Variants in RBM20 observed in about 807,000 individuals in gnomAD.
RBM20 encodes RNA-binding protein 20.
In RBM20, 51 loss-of-function variants were observed where a neutral mutation model predicts 110.1. The observed-to-expected ratio is 0.46, with a 90% confidence interval of 0.37 to 0.59. The LOEUF (loss-of-function observed/expected upper bound fraction) is 0.59. Among genes scored for constraint, RBM20 ranks in the 20% least tolerant of loss-of-function variants. The probability of loss-of-function intolerance (pLI) is 0.00; values close to 1 mark genes in which losing one functional copy is unlikely to be tolerated. For synonymous variants in RBM20, 589 were observed against 618.2 expected (o/e 0.95, Z 0.70); for missense variants, 1,512 against 1,574.9 (o/e 0.96, Z 0.68).
Position 110,726,880 on chromosome 10 carries a change from C to T in RBM20, c.192-53921C>T, listed in dbSNP as rs143491054. Among the ~76,000 whole-genome samples the T allele has an allele frequency of 5.8e-3, 888 of 152,294 alleles. 10 individuals are homozygous for T. The highest frequency in any genetic ancestry group is 0.02 in the African/African-American group (845 of 41,558). On this transcript the variant is annotated intron_variant, in intron 1 of 13. Transcript: ENST00000369519. ...TTTATTTTTGAGATGGAGTTTTGCT[C>T]TTATCGCCCAGGCTGGAGTGCAATG...
intron 11 of RBM20, 49 bp from the exon 12 acceptor site, chr10:110,823,431 C>CTTTTTTTTTTTTTT (rs201149204): frequency 2.7e-6 from 3 of 1,110,668 alleles, no homozygotes; most frequent in Admixed American, 3.7e-5. Context: ...TGTTGTATTT[C>CTTTTTTTTTTTTTT]TTTTTTTTTT....
At chr10:110,689,734 G>A (rs941453314) in intron 1 of RBM20, among the ~76,000 whole-genome samples, 11 of 152,136 alleles carry the variant, frequency 7.2e-5, no homozygotes, top group Admixed American at 7.2e-4. Context: ...ATGGCATTTT[G>A]TACATTTAGT....
chr10:110,814,369 A>G (rs965965983), intron 9 of RBM20, among the ~76,000 whole-genome samples: 4 of 144,432 alleles, frequency 2.8e-5, no homozygotes, highest in Non-Finnish European at 6.1e-5. Flanking sequence ...TCATGCCAGC[A>G]TTTACAGCGG....
chr10:110,764,938 C>A (rs887602953), intron 1 of RBM20, among the ~76,000 whole-genome samples: 1 of 152,082 alleles, frequency 6.6e-6, no homozygotes, highest in Non-Finnish European at 1.5e-5. Flanking sequence ...ATGTTCTCGG[C>A]GCTGAGCATT....
At chr10:110,715,221 C>T (rs533221133) in intron 1 of RBM20, among the ~76,000 whole-genome samples, 1 of 152,288 alleles carries the variant, frequency 6.6e-6, no homozygotes, top group East Asian at 1.9e-4. Context: ...GCACTCCAGC[C>T]TGTGCGACAC....
At chr10:110,747,225 C>T (rs1311605087) in intron 1 of RBM20, among the ~76,000 whole-genome samples, 1 of 150,478 alleles carries the variant, frequency 6.6e-6, no homozygotes, top group Non-Finnish European at 1.5e-5. Context: ...CCTCCACCTG[C>T]TTGTGTATTA....
intron 7 of RBM20, among the ~76,000 whole-genome samples, chr10:110,810,012 G>A (rs1003760672): frequency 6.6e-6 from 1 of 152,180 alleles, no homozygotes; most frequent in Non-Finnish European, 1.5e-5. Flanking sequence ...AGTTTACAAT[G>A]CATGCCTGCC....
intron 1 of RBM20, among the ~76,000 whole-genome samples, chr10:110,683,352 T>C (rs1862450136): frequency 6.6e-6 from 1 of 152,238 alleles, no homozygotes; most frequent in South Asian, 2.1e-4. Context: ...CTGGTGCTGG[T>C]TGAGTTGCAG....
intron 1 of RBM20, among the ~76,000 whole-genome samples, chr10:110,708,887 G>A (rs73355091): frequency 0.17 from 25,157 of 152,150 alleles, 2,286 homozygotes; most frequent in East Asian, 0.32. Flanking sequence ...GAGTGTGGCT[G>A]GGGTGGCAGG....
rs569904295 is a variant in RBM20, at chr10:110,700,202, G to A, written c.191+55557G>A. ...TTCACCTCTCCCATGCCTCCCCCTA[G>A]TCCCTCCCATTTCTGTGTCTTTGTG... On this transcript the variant is annotated intron_variant, in intron 1 of 13. Transcript: ENST00000369519. 2.0e-5 allele frequency among the ~76,000 whole-genome samples: 3 copies of A among 152,190 alleles called. No homozygotes were observed. The East Asian group carries it at 5.8e-4, about 29-fold the overall frequency.
chr10:110,720,709 G>A (rs1323408817), intron 1 of RBM20, among the ~76,000 whole-genome samples: 2 of 149,332 alleles, frequency 1.3e-5, no homozygotes, highest in East Asian at 4.0e-4. Context: ...TGCCCCTGCA[G>A]CCTGCTCTCC....
intron 11 of RBM20, chr10:110,822,293 G>A (rs1353130816): frequency 1.2e-5 from 5 of 422,440 alleles, no homozygotes; most frequent in South Asian, 2.0e-5. Flanking sequence ...ACAGCAGAGG[G>A]CCACCCAGGC....
chr10:110,795,995 T>G (rs1844545476), intron 5 of RBM20, among the ~76,000 whole-genome samples: 1 of 152,222 alleles, frequency 6.6e-6, no homozygotes, highest in African/African-American at 2.4e-5. Context: ...GATAAACCAG[T>G]TTTGTTTGAA....
At chr10:110,767,157 G>T (rs1178886815) in intron 1 of RBM20, among the ~76,000 whole-genome samples, 7 of 107,340 alleles carry the variant, frequency 6.5e-5, no homozygotes, top group Non-Finnish European at 1.1e-4. Flanking sequence ...CTGGCCGGGC[G>T]GGGGGCTGAC....
chr10:110,812,831 A>G lies in RBM20; in HGVS notation c.2434A>G (p.Thr812Ala). ...GGAAGATGGGCTGGGGCCAAAGGTCACTAGGGCCCCTGAGGGCGCCAAGGC... is the reference window on the plus strand; with the variant it reads ...GGAAGATGGGCTGGGGCCAAAGGTCGCTAGGGCCCCTGAGGGCGCCAAGGC... Reference protein sequence around the residue: ...GKEDGLGPKVTRAPEGAKAKQ... With the variant: ...GKEDGLGPKVARAPEGAKAKQ... Residue 812 changes from threonine to alanine, a missense_variant, in exon 9 of 14, where the codon ACT becomes GCT. Transcript: ENST00000369519. The G allele has an allele frequency of 6.5e-7, 1 of 1,539,520 alleles. No individual in the cohort carries two copies. Among genetic ancestry groups the G allele is most frequent in the Non-Finnish European group, 8.8e-7 (1 of 1,140,674 alleles).
upstream of RBM20, chr10:110,644,302 A>T (rs1318534761): frequency 9.9e-6 from 5 of 505,498 alleles, no homozygotes; most frequent in Non-Finnish European, 1.6e-5. The surrounding 1 kb of genome is among the most constrained non-coding windows in gnomAD (Gnocchi z 4.3). Context: ...CGCCGCCAGG[A>T]CTGCCTCCTC....
At chr10:110,800,487 A>G (rs988511878) in intron 7 of RBM20, among the ~76,000 whole-genome samples, 2 of 151,992 alleles carry the variant, frequency 1.3e-5, no homozygotes, top group Non-Finnish European at 2.9e-5. Flanking sequence ...TTTTTGTTTT[A>G]TTGTGAAGTA....
chr10:110,791,089 T>G (rs549474138), intron 5 of RBM20, among the ~76,000 whole-genome samples: 1 of 152,336 alleles, frequency 6.6e-6, no homozygotes, highest in Non-Finnish European at 1.5e-5. Context: ...TTTGAAAGCA[T>G]CAATAAAGGC....
rs762685493 is a variant in RBM20 at position 110,812,520 on chromosome 10, C to G, written c.2123C>G (p.Ala708Gly). ...DDKRDRMDPW[A>G]HDRKHHPRQL... Reference sequence around the variant, plus strand: ...AAGAGGGACAGGATGGACCCCTGGGCACATGATCGCAAACACCACCCCCGG... The same window carrying G: ...AAGAGGGACAGGATGGACCCCTGGGGACATGATCGCAAACACCACCCCCGG... Residue 708 changes from alanine to glycine, a missense_variant, in exon 9 of 14, where the codon GCA becomes GGA. Ala to Gly is a moderately conservative substitution (Grantham distance 60). Around this residue, in one of 3 missense-constraint regions of RBM20, gnomAD observed 1,149 missense variants for 1,169.4 expected, o/e 0.98. Transcript: ENST00000369519. The G allele has an allele frequency of 6.4e-7, 1 of 1,551,606 alleles. No homozygotes were observed. Among genetic ancestry groups the G allele is most frequent in the South Asian group, 1.2e-5 (1 of 84,066 alleles).
Sources: allele counts gnomAD v4.1 joint callset (sites outside exome capture counted in the v4.1 genomes callset), GRCh38; gene constraint gnomAD v4.1.1; regional missense constraint gnomAD v4.1.1; non-coding constraint Gnocchi (gnomAD v3.1); transcripts MANE v1.5; gene names NCBI Gene and HGNC (gene_info 2026-07-23, HGNC 2026-07-21).